Variants in RBFOX1 observed in about 807,000 individuals in gnomAD.
RBFOX1 encodes the protein RNA binding fox-1 homolog 1.
Under a neutral mutation model 57.7 loss-of-function variants are expected in RBFOX1, and 8 were observed. That is an observed-to-expected ratio of 0.14 (90% CI 0.08 to 0.25). RBFOX1 has a LOEUF of 0.25. Ranked by LOEUF, RBFOX1 falls within the 10% of genes least tolerant of loss-of-function variation. RBFOX1 has a pLI of 1.00. For missense variants in RBFOX1, 611 were observed against 548.5 expected (o/e 1.11, Z -1.14); for synonymous variants, 326 against 222.4 (o/e 1.47, Z -4.15).
chr16:5,842,978 C>G (rs571805699), intron 3 of RBFOX1, among the ~76,000 whole-genome samples: 6 of 152,152 alleles, frequency 3.9e-5, no homozygotes, highest in African/African-American at 1.4e-4. Flanking sequence ...GCTAGCATGT[C>G]TGGCTAATTG....
At chr16:6,546,081 T>G (rs893321870) in intron 2 of RBFOX1, among the ~76,000 whole-genome samples, 1 of 152,206 alleles carries the variant, frequency 6.6e-6, no homozygotes, top group African/African-American at 2.4e-5. Flanking sequence ...AGAAAAAGAT[T>G]ATAATGTTTT....
intron 4 of RBFOX1, among the ~76,000 whole-genome samples, chr16:7,236,485 T>G (rs868727715): frequency 5.9e-5 from 9 of 152,124 alleles, no homozygotes; most frequent in African/African-American, 1.9e-4. Flanking sequence ...GCTCCATGGT[T>G]CCTAAATGCA....
At chr16:7,367,017 G>C (rs1220881258) in intron 4 of RBFOX1, among the ~76,000 whole-genome samples, 1 of 151,922 alleles carries the variant, frequency 6.6e-6, no homozygotes, top group Non-Finnish European at 1.5e-5. Context: ...ATGAATTGCA[G>C]ATGGGTTTTC....
chr16:7,059,736 C>G (rs1336967131), intron 4 of RBFOX1, among the ~76,000 whole-genome samples: 1 of 152,180 alleles, frequency 6.6e-6, no homozygotes, highest in African/African-American at 2.4e-5. Context: ...CTGTTTGGTA[C>G]AAATTTACCT....
chr16:7,331,705 G>C (rs1360668883), intron 4 of RBFOX1, among the ~76,000 whole-genome samples: 1 of 152,124 alleles, frequency 6.6e-6, no homozygotes, highest in South Asian at 2.1e-4. Context: ...TTTTCCAAAT[G>C]AGTGAACAGG....
intron 3 of RBFOX1, among the ~76,000 whole-genome samples, chr16:6,966,988 C>G (rs993818510): frequency 6.6e-6 from 1 of 151,990 alleles, no homozygotes. Flanking sequence ...CCATCATCTA[C>G]TTATACATCC....
At chr16:6,302,717 CT>C (rs1269506626) in intron 1 of RBFOX1, among the ~76,000 whole-genome samples, 1 of 152,170 alleles carries the variant, frequency 6.6e-6, no homozygotes, top group Non-Finnish European at 1.5e-5. Context: ...TAATCTCTTT[CT>C]TGTGCAAACA....
At chr16:6,088,892 C>T (rs565633559) in intron 1 of RBFOX1, among the ~76,000 whole-genome samples, 1 of 152,010 alleles carries the variant, frequency 6.6e-6, no homozygotes, top group South Asian at 2.1e-4. Context: ...GTCAGGAGAT[C>T]AATACCATCC....
chr16:5,612,071 C>T (rs577258057), intron 3 of RBFOX1, among the ~76,000 whole-genome samples: 38 of 151,596 alleles, frequency 2.5e-4, no homozygotes, highest in African/African-American at 8.9e-4. Flanking sequence ...TCTAGTCTCC[C>T]ACCCACCTAC....
At chr16:6,932,551 T>C (rs1003046756) in intron 3 of RBFOX1, among the ~76,000 whole-genome samples, 1 of 152,162 alleles carries the variant, frequency 6.6e-6, no homozygotes, top group African/African-American at 2.4e-5. Flanking sequence ...ACCTATATGG[T>C]AGGTGAGTTA....
chr16:7,024,539 G>A (rs932942941), intron 3 of RBFOX1, among the ~76,000 whole-genome samples: 2 of 152,062 alleles, frequency 1.3e-5, no homozygotes, highest in Non-Finnish European at 2.9e-5. Context: ...GTAGATGTTA[G>A]GAGATACTTC....
chr16:6,989,614 G>A (rs566625647), intron 3 of RBFOX1, among the ~76,000 whole-genome samples: 2 of 152,170 alleles, frequency 1.3e-5, no homozygotes, highest in Admixed American at 6.6e-5. Context: ...GAGTGGGACA[G>A]AAGTTATCTC....
chr16:6,502,631 A>T (rs1454330870), intron 2 of RBFOX1, among the ~76,000 whole-genome samples: 1 of 152,120 alleles, frequency 6.6e-6, no homozygotes, highest in Non-Finnish European at 1.5e-5. Flanking sequence ...ATGGTGGATA[A>T]GTTGTGCTAG....
chr16:6,767,048 T>C (rs2077433236), intron 3 of RBFOX1, among the ~76,000 whole-genome samples: 1 of 152,110 alleles, frequency 6.6e-6, no homozygotes, highest in Non-Finnish European at 1.5e-5. Flanking sequence ...AAAATAATCA[T>C]TGTTTTCATC....
At chr16:5,875,318 C>G (rs755009262) in intron 4 of RBFOX1, among the ~76,000 whole-genome samples, 5 of 152,168 alleles carry the variant, frequency 3.3e-5, no homozygotes, top group African/African-American at 1.2e-4. Flanking sequence ...ATATCTGAAC[C>G]AGGTTTGTCT....
intron 4 of RBFOX1, among the ~76,000 whole-genome samples, chr16:7,384,989 G>C (rs74012516): frequency 0.016 from 2,468 of 152,268 alleles, 76 homozygotes; most frequent in African/African-American, 0.056. Context: ...AGCTGAGCTC[G>C]CAATGGCAAA....
intron 3 of RBFOX1, among the ~76,000 whole-genome samples, chr16:6,825,910 G>C (rs2092066095): frequency 6.6e-6 from 1 of 152,184 alleles, no homozygotes; most frequent in South Asian, 2.1e-4. Flanking sequence ...GGAATCGTGT[G>C]ACTTTAAATT....
chr16:7,035,272 C>G lies in RBFOX1; in HGVS notation c.-15-16785C>G, dbSNP rs543338482. 1.3e-4 allele frequency among the ~76,000 whole-genome samples: 20 copies of G among 152,196 alleles called. No homozygotes were observed. In the South Asian group the frequency reaches 1.5e-3, roughly 11 times the overall value. ...AGAACTGTACTTGGGATTCCGCACC[C>G]TCCCCTTCATTCCTCACCCAGGCTT... On this transcript the variant is annotated intron_variant, in intron 3 of 15. Transcript: ENST00000550418.
intron 1 of RBFOX1, among the ~76,000 whole-genome samples, chr16:5,460,006 G>A (rs1373039788): frequency 6.6e-6 from 1 of 152,124 alleles, no homozygotes; most frequent in Non-Finnish European, 1.5e-5. Context: ...ACACTTGCAT[G>A]TTTAGTTTTC....
Sources: gnomAD v4.1 joint callset for allele counts (sites outside exome capture counted in the v4.1 genomes callset) on GRCh38, gnomAD v4.1.1 for gene constraint, MANE v1.5 for transcripts, NCBI Gene and HGNC (gene_info 2026-07-23, HGNC 2026-07-21) for gene names.